Variants in BCHE observed in about 807,000 individuals in gnomAD.
The protein encoded by BCHE is butyrylcholinesterase, also known as cholinesterase.
In BCHE, 48 loss-of-function variants were observed where a neutral mutation model predicts 51.3. The ratio of observed to expected loss-of-function variants is 0.94; its 90% CI spans 0.74 to 1.19. The LOEUF (loss-of-function observed/expected upper bound fraction) is 1.19, where lower values mean the gene tolerates loss of function less well. Among genes scored for constraint, BCHE ranks in the 50% most tolerant of loss-of-function variants. The probability of loss-of-function intolerance (pLI) is 0.00; values close to 1 mark genes in which losing one functional copy is unlikely to be tolerated. For synonymous variants in BCHE, 251 were observed against 238.0 expected (o/e 1.05, Z -0.50); for missense variants, 847 against 708.2 (o/e 1.20, Z -2.23).
intron 2 of BCHE, among the ~76,000 whole-genome samples, chr3:165,824,014 C>A (rs1351644505): frequency 6.6e-6 from 1 of 151,306 alleles, no homozygotes; most frequent in East Asian, 2.0e-4. Context: ...GGGCTTCAAG[C>A]AGTCCTCCTG....
chr3:165,800,831 C>T (rs1004531035), intron 2 of BCHE, among the ~76,000 whole-genome samples: 1 of 151,988 alleles, frequency 6.6e-6, no homozygotes, highest in Non-Finnish European at 1.5e-5. Context: ...TAAACAGAAC[C>T]TGTAAGTCAC....
intron 3 of BCHE, among the ~76,000 whole-genome samples, chr3:165,780,974 G>A (rs1425079728): frequency 6.6e-6 from 1 of 152,058 alleles, no homozygotes; most frequent in Admixed American, 6.6e-5. Flanking sequence ...AGGTGCAGTG[G>A]CTCACACATT....
intron 2 of BCHE, among the ~76,000 whole-genome samples, chr3:165,791,176 T>A (rs1429604020): frequency 6.6e-6 from 1 of 151,326 alleles, no homozygotes; most frequent in African/African-American, 2.4e-5. Context: ...GCACCTGTAA[T>A]CCCAGCTACT....
chr3:165,810,082 A>G (rs1175392251), intron 2 of BCHE, among the ~76,000 whole-genome samples: 1 of 151,964 alleles, frequency 6.6e-6, no homozygotes, highest in African/African-American at 2.4e-5. Flanking sequence ...TGACAGACAG[A>G]TTGAAATAAT....
At chr3:165,831,779 T>A (rs994577512) in intron 1 of BCHE, among the ~76,000 whole-genome samples, 1 of 152,112 alleles carries the variant, frequency 6.6e-6, no homozygotes, top group African/African-American at 2.4e-5. Flanking sequence ...TCCAGGTAAT[T>A]TCTCCAAAAT....
At chr3:165,790,336 C>A (rs140815505) in intron 2 of BCHE, among the ~76,000 whole-genome samples, 265 of 152,114 alleles carry the variant, frequency 1.7e-3, no homozygotes, top group African/African-American at 6.2e-3. Context: ...ATAAGTACAC[C>A]GGCACAATAG....
At chr3:165,810,504 G>C (rs916712929) in intron 2 of BCHE, among the ~76,000 whole-genome samples, 2 of 151,976 alleles carry the variant, frequency 1.3e-5, no homozygotes, top group African/African-American at 4.8e-5. Flanking sequence ...TTTTATCTTT[G>C]GATGTGTTAT....
At chr3:165,812,285 G>GGT (rs1714131093) in intron 2 of BCHE, among the ~76,000 whole-genome samples, 1 of 21,534 alleles carries the variant, frequency 4.6e-5, no homozygotes, top group Admixed American at 7.1e-4. Flanking sequence ...ATGAGTCTTT[G>GGT]ATTTTTTTTT....
intron 3 of BCHE, among the ~76,000 whole-genome samples, chr3:165,779,723 C>T (rs562338640): frequency 6.6e-6 from 1 of 152,142 alleles, no homozygotes; most frequent in African/African-American, 2.4e-5. Context: ...TTAAAGACCT[C>T]TTCAAGGAGA....
intron 2 of BCHE, among the ~76,000 whole-genome samples, chr3:165,826,631 T>C (rs1714732385): frequency 6.6e-6 from 1 of 152,124 alleles, no homozygotes; most frequent in Non-Finnish European, 1.5e-5. Flanking sequence ...GTATGTACAT[T>C]ATATTTCAAT....
At chr3:165,793,939 C>T (rs989865682) in intron 2 of BCHE, among the ~76,000 whole-genome samples, 7 of 151,832 alleles carry the variant, frequency 4.6e-5, no homozygotes, top group Admixed American at 2.0e-4. Flanking sequence ...CCCAGCTCCT[C>T]GGAAGGCTGA....
intron 2 of BCHE, among the ~76,000 whole-genome samples, chr3:165,820,936 C>T (rs937894273): frequency 1.3e-5 from 2 of 151,868 alleles, no homozygotes; most frequent in Admixed American, 1.3e-4. Context: ...ATGTATAATA[C>T]AAGGAAATGA....
At chr3:165,789,112 G>A (rs1204653099) in intron 2 of BCHE, among the ~76,000 whole-genome samples, 5 of 151,734 alleles carry the variant, frequency 3.3e-5, no homozygotes, top group Admixed American at 2.0e-4. Context: ...TTTTGTTCTC[G>A]TCACAAAATA....
At chr3:165,832,869 A>T (rs1223272894) in intron 1 of BCHE, among the ~76,000 whole-genome samples, 1 of 152,152 alleles carries the variant, frequency 6.6e-6, no homozygotes, top group Non-Finnish European at 1.5e-5. Flanking sequence ...GACGTAGGGT[A>T]TCATATTTCA....
rs963445315 is a variant in BCHE, at chr3:165,803,243, T to C, written c.1518-16932A>G. Among the ~76,000 whole-genome samples, 11 of 152,262 alleles carry C rather than the reference T, an allele frequency of 7.2e-5. No individual in the cohort carries two copies. The Middle Eastern group carries it at 0.01, about 141-fold the overall frequency. ...ACTGGGAATATAGTTGCAAACAAAA[T>C]AAACGAAAAGTCCCATCTTTTTAGA... On this transcript the variant is annotated intron_variant, in intron 2 of 3. Transcript: ENST00000264381.
chr3:165,800,100 T>C (rs150789463), intron 2 of BCHE, among the ~76,000 whole-genome samples: 286 of 152,216 alleles, frequency 1.9e-3, no homozygotes, highest in African/African-American at 6.7e-3. Flanking sequence ...ATTTTCTGGG[T>C]ATTTTTTCCT....
intron 2 of BCHE, among the ~76,000 whole-genome samples, chr3:165,812,032 G>A (rs1576857941): frequency 6.6e-6 from 1 of 151,316 alleles, no homozygotes; most frequent in South Asian, 2.1e-4. Flanking sequence ...GTATCTGAAG[G>A]CTGTATACTA....
intron 3 of BCHE, among the ~76,000 whole-genome samples, chr3:165,785,665 T>C (rs829507): frequency 0.65 from 98,729 of 151,438 alleles, 34,599 homozygotes; most frequent in East Asian, 0.78. Flanking sequence ...TTTAGAAATT[T>C]TTTATTGTGT....
intron 2 of BCHE, among the ~76,000 whole-genome samples, chr3:165,789,805 T>G (rs1713099487): frequency 6.6e-6 from 1 of 152,110 alleles, no homozygotes; most frequent in Non-Finnish European, 1.5e-5. Context: ...TAAGAAGACC[T>G]AAATTTAGAA....
Sources: gnomAD v4.1 joint callset for allele counts (sites outside exome capture counted in the v4.1 genomes callset) on GRCh38, gnomAD v4.1.1 for gene constraint, MANE v1.5 for transcripts, NCBI Gene and HGNC (gene_info 2026-07-23, HGNC 2026-07-21) for gene names.